SH3GL3: variants seen among roughly 807,000 people sequenced by gnomAD.
The protein encoded by SH3GL3 is SH3 domain containing GRB2 like 3, endophilin A3.
Under a neutral mutation model 47.7 loss-of-function variants are expected in SH3GL3, and 33 were observed. The observed-to-expected ratio is 0.69, with a 90% CI of 0.52 to 0.92. The LOEUF (loss-of-function observed/expected upper bound fraction) is 0.92, where lower values mean the gene tolerates loss of function less well. Among genes scored for constraint, SH3GL3 ranks in the 40% least tolerant of loss-of-function variants. The pLI, the probability that SH3GL3 is intolerant of heterozygous loss-of-function variation, is 0.00. For synonymous variants in SH3GL3, 155 were observed against 148.8 expected (o/e 1.04, Z -0.30); for missense variants, 363 against 417.8 (o/e 0.87, Z 1.14).
Position 83,603,047 on chromosome 15 carries a change from T to G in SH3GL3, c.838+14276T>G, listed in dbSNP as rs142209986. ...GATAGTCTTGCCCTGTTGCCCAGGC[T>G]GGAGTGCAGTGGTGGGATCTCGGCC... On this transcript the variant is annotated intron_variant, in intron 8 of 8. Coordinates refer to ENST00000427482, the MANE Select transcript of SH3GL3 (RefSeq NM_003027.5). Among the ~76,000 whole-genome samples, 119 of 152,234 alleles carry G rather than the reference T, an allele frequency of 7.8e-4. No homozygotes were observed. In the East Asian group the frequency reaches 0.019, roughly 25 times the overall value.
chr15:83,617,893 C>T (rs554739269), intron 8 of SH3GL3, among the ~76,000 whole-genome samples, 189 bp from the exon 9 acceptor site: 23 of 152,138 alleles, frequency 1.5e-4, no homozygotes, highest in African/African-American at 4.8e-4. Context: ...ATGGGGTTGG[C>T]GCAGGCAGCT....
Position 83,563,233 on chromosome 15 carries a change from A to AT in SH3GL3, c.115-1893dup, listed in dbSNP as rs555860944. On this transcript the variant is annotated intron_variant, in intron 2 of 8. Coordinates refer to ENST00000427482, the MANE Select transcript of SH3GL3 (RefSeq NM_003027.5). ...TGTACTTTGAATGTCGATCTTCCTTATTTTTTTTCCTTATGATTAAAGAGT... is the reference window on the plus strand; with the variant it reads ...TGTACTTTGAATGTCGATCTTCCTTATTTTTTTTTCCTTATGATTAAAGAGT... 1.8e-3 allele frequency among the ~76,000 whole-genome samples: 267 copies of AT among 151,880 alleles called. 1 individual carries two copies. The highest frequency in any genetic ancestry group is 6.2e-3 in the African/African-American group (255 of 41,446).
chr15:83,619,728 G>A (rs2060906018), downstream of SH3GL3, among the ~76,000 whole-genome samples: 1 of 152,208 alleles, frequency 6.6e-6, no homozygotes, highest in Admixed American at 6.5e-5. Flanking sequence ...GCTGCTGGAA[G>A]TTCTTGATAT....
chr15:83,536,196 T>TA (rs1202947713), intron 1 of SH3GL3, among the ~76,000 whole-genome samples: 3 of 152,152 alleles, frequency 2.0e-5, no homozygotes, highest in Non-Finnish European at 4.4e-5. Context: ...GGTCCACACT[T>TA]ACAATCATTT....
At chr15:83,568,432 A>G (rs960286048) in intron 3 of SH3GL3, 97 bp from the exon 4 acceptor site, 2 of 884,278 alleles carry the variant, frequency 2.3e-6, no homozygotes, top group Non-Finnish European at 3.6e-6. Context: ...ATTTTGTTTA[A>G]GGTGACCTCA....
rs1027055063 is a variant in SH3GL3 at position 83,447,393 on chromosome 15, T to TGTGGCC, written c.-130_-125dup. The stretch of plus-strand genomic sequence containing the variant: ...GTGCGAGTGTGACAGCGGCTGTGGC[T>TGTGGCC]GTGGCCGTGGCCGTGGGAGGCGGGC... On this transcript the variant is annotated 5_prime_UTR_variant, in exon 1 of 9. Coordinates refer to ENST00000427482, the MANE Select transcript of SH3GL3 (RefSeq NM_003027.5). This position sits in a 1 kb window ranked among gnomAD's most constrained non-coding sequence, Gnocchi z 5.1. 2.3e-5 allele frequency: 11 copies of TGTGGCC among 485,272 alleles called. No individual in the cohort carries two copies. The highest frequency in any genetic ancestry group is 1.4e-4 in the Admixed American group (3 of 21,174). The allele number at this position is 485,272 out of a possible 1,614,324, so 30.1% of individuals were successfully genotyped here.
intron 8 of SH3GL3, among the ~76,000 whole-genome samples, chr15:83,614,521 G>A (rs772495199): frequency 1.2e-4 from 18 of 152,264 alleles, no homozygotes; most frequent in East Asian, 3.9e-4. Context: ...AACCTTTAAC[G>A]CTTCCTTAGG....
chr15:83,613,036 C>A (rs2060713079), intron 8 of SH3GL3, among the ~76,000 whole-genome samples: 1 of 152,192 alleles, frequency 6.6e-6, no homozygotes, highest in African/African-American at 2.4e-5. Context: ...GGAGGCAAGC[C>A]CCAGCTCCTT....
intron 8 of SH3GL3, among the ~76,000 whole-genome samples, chr15:83,593,315 T>A (rs2060154715): frequency 6.6e-6 from 1 of 152,252 alleles, no homozygotes; most frequent in African/African-American, 2.4e-5. Context: ...TATTGAGTGT[T>A]CCAGGCTTGA....
chr15:83,597,272 C>A (rs1247187552), intron 8 of SH3GL3, among the ~76,000 whole-genome samples: 1 of 152,176 alleles, frequency 6.6e-6, no homozygotes, highest in African/African-American at 2.4e-5. Flanking sequence ...ATTGTCAGAT[C>A]TCCTTCTCTG....
At chr15:83,566,363 A>AGTGTGTGTGTGTGTGT (rs1420988424) in intron 3 of SH3GL3, among the ~76,000 whole-genome samples, 1 of 128,260 alleles carries the variant, frequency 7.8e-6, no homozygotes, top group South Asian at 2.8e-4. Flanking sequence ...AGAGAGAGAG[A>AGTGTGTGTGTGTGTGT]GAGTGTGTGT....
chr15:83,611,366 A>G (rs2060661399), intron 8 of SH3GL3: 1 of 152,096 alleles, frequency 6.6e-6, no homozygotes, highest in Non-Finnish European at 1.5e-5. Flanking sequence ...CAATACTTTA[A>G]CAAGGAAGAC....
At chr15:83,510,880 G>C (rs370167281) in intron 1 of SH3GL3, among the ~76,000 whole-genome samples, 5 of 151,634 alleles carry the variant, frequency 3.3e-5, no homozygotes, top group African/African-American at 4.8e-5. Context: ...TATGGCATTC[G>C]GGCTTTCCCA....
intron 1 of SH3GL3, among the ~76,000 whole-genome samples, chr15:83,477,860 C>T (rs957534713): frequency 8.5e-5 from 13 of 152,130 alleles, no homozygotes; most frequent in East Asian, 1.9e-4. Flanking sequence ...ATCAGAAGAC[C>T]GCATAGATTT....
chr15:83,599,984 A>G (rs1179352965), intron 8 of SH3GL3, among the ~76,000 whole-genome samples: 1 of 151,958 alleles, frequency 6.6e-6, no homozygotes, highest in Non-Finnish European at 1.5e-5. Flanking sequence ...CCATTTGTAT[A>G]TCTTCTTTTG....
intron 1 of SH3GL3, among the ~76,000 whole-genome samples, chr15:83,457,514 T>G (rs2040057788): frequency 6.6e-6 from 1 of 152,232 alleles, no homozygotes; most frequent in South Asian, 2.1e-4. Flanking sequence ...CTGTAATCAC[T>G]GACTATACAG....
At chr15:83,477,261 C>G (rs907157380) in intron 1 of SH3GL3, among the ~76,000 whole-genome samples, 1 of 152,186 alleles carries the variant, frequency 6.6e-6, no homozygotes, top group African/African-American at 2.4e-5. Context: ...ACTGCTTGCT[C>G]TCCTGGCTGG....
chr15:83,489,862 GATA>G (rs1340500874), intron 1 of SH3GL3, among the ~76,000 whole-genome samples: 1 of 150,358 alleles, frequency 6.7e-6, no homozygotes, highest in East Asian at 1.9e-4. Context: ...TAGATAGATA[GATA>G]GATAGATAGA....
At chr15:83,490,371 C>G (rs2041826811) in intron 1 of SH3GL3, among the ~76,000 whole-genome samples, 1 of 151,302 alleles carries the variant, frequency 6.6e-6, no homozygotes, top group African/African-American at 2.4e-5. Flanking sequence ...TGGGTAAATG[C>G]CAGAGGGACA....
Sources: gnomAD v4.1 joint callset for allele counts (sites outside exome capture counted in the v4.1 genomes callset) on GRCh38, gnomAD v4.1.1 for gene constraint, Gnocchi (gnomAD v3.1) non-coding constraint, MANE v1.5 for transcripts, NCBI Gene and HGNC (gene_info 2026-07-23, HGNC 2026-07-21) for gene names.